Variants in WNT7B observed in about 807,000 individuals in gnomAD.
WNT7B encodes the protein Wnt family member 7B, also known as protein Wnt-7b.
In WNT7B, 19 loss-of-function variants were observed where a neutral mutation model predicts 38.2. The ratio of observed to expected loss-of-function variants is 0.50; its 90% confidence interval spans 0.35 to 0.73. The LOEUF (loss-of-function observed/expected upper bound fraction) is 0.73, where lower values mean the gene tolerates loss of function less well. WNT7B is among the 30% of genes least tolerant of loss of function. The probability of loss-of-function intolerance (pLI) is 0.01; values close to 1 mark genes in which losing one functional copy is unlikely to be tolerated. For synonymous variants in WNT7B, 243 were observed against 209.3 expected (o/e 1.16, Z -1.39); for missense variants, 423 against 507.9 (o/e 0.83, Z 1.61).
chr22:45,967,009 C>A (rs1601741875), intron 1 of WNT7B, among the ~76,000 whole-genome samples: 1 of 152,210 alleles, frequency 6.6e-6, no homozygotes, highest in Non-Finnish European at 1.5e-5. Context: ...AGGACCCACG[C>A]TCAGAGGACA....
intron 2 of WNT7B, among the ~76,000 whole-genome samples, chr22:45,949,387 G>C (rs1405014697): frequency 7.0e-6 from 1 of 143,406 alleles, no homozygotes; most frequent in Non-Finnish European, 1.5e-5. Context: ...TGTCATGCTG[G>C]AGCATCCTGC....
intron 1 of WNT7B, among the ~76,000 whole-genome samples, chr22:45,955,424 G>T (rs996500626): frequency 1.3e-5 from 2 of 152,220 alleles, no homozygotes; most frequent in Non-Finnish European, 1.5e-5. Flanking sequence ...GGGGCCACTG[G>T]GGAGCGTGGG....
intron 1 of WNT7B, among the ~76,000 whole-genome samples, chr22:45,962,283 C>T (rs1343890187): frequency 6.6e-6 from 1 of 152,182 alleles, no homozygotes; most frequent in African/African-American, 2.4e-5. Context: ...GCAGACACTC[C>T]CAGCCACCAT....
Position 45,922,426 on chromosome 22 carries a change from A to C in WNT7B, c.*430T>G. 5.6e-6 allele frequency: 1 copy of C among 178,176 alleles called. No homozygotes were observed. 11.0% of individuals were successfully genotyped at this position (178,176 alleles called of 1,614,324 possible). A position where few individuals can be genotyped will look rare whatever the true frequency, so the allele number is the denominator to read the frequency against. On this transcript the variant is annotated 3_prime_UTR_variant, in exon 4 of 4. Coordinates refer to ENST00000339464, the MANE Select transcript of WNT7B (RefSeq NM_058238.3). ...GCCCAGCGGCAGACCCAGCCTGGGA[A>C]CTGGTCTGGAGAGGCCAGCCGGCGT...
At chr22:45,929,454 A>T (rs1165561475) in intron 3 of WNT7B, among the ~76,000 whole-genome samples, 1 of 147,646 alleles carries the variant, frequency 6.8e-6, no homozygotes, top group African/African-American at 2.6e-5. Flanking sequence ...CCATCCTTTG[A>T]TTCGTCCATC....
At chr22:45,925,260 C>T (rs888186221) in intron 3 of WNT7B, 3 of 985,114 alleles carry the variant, frequency 3.0e-6, no homozygotes, top group African/African-American at 3.5e-5. Context: ...CCTAGGCTGG[C>T]AGGTGGGTGC....
chr22:45,950,199 C>G, intron 1 of WNT7B, 53 bp from the exon 2 acceptor site: 1 of 1,493,288 alleles, frequency 6.7e-7, no homozygotes, highest in Non-Finnish European at 9.2e-7. Flanking sequence ...AGCGCCCCTC[C>G]TCACCCCCAA....
At chr22:45,928,036 G>A (rs1931148235) in intron 3 of WNT7B, among the ~76,000 whole-genome samples, 1 of 152,192 alleles carries the variant, frequency 6.6e-6, no homozygotes, top group Non-Finnish European at 1.5e-5. Context: ...CTCCTCCCCT[G>A]CTGCCTAGAG....
chr22:45,977,146 G>T lies in WNT7B; in HGVS notation c.-392C>A. 8.5e-6 allele frequency: 4 copies of T among 470,544 alleles called. No individual in the cohort carries two copies. The highest frequency in any genetic ancestry group is 6.4e-5 in the Admixed American group (1 of 15,628). The allele number at this position is 470,544 out of a possible 1,614,324, so 29.1% of individuals were successfully genotyped here. On this transcript the variant is annotated 5_prime_UTR_variant, in exon 1 of 4. Transcript: ENST00000339464. Reference sequence around the variant, plus strand: ...GCGGCCAATGTGTCCGCACTTGTCGGCCGCCCCAGGTGACTCGCGGCCCCG... The same window carrying T: ...GCGGCCAATGTGTCCGCACTTGTCGTCCGCCCCAGGTGACTCGCGGCCCCG...
rs1930891914 is a variant in WNT7B, at chr22:45,920,536, C to T, written c.*2320G>A. ...TGGCAGACTTTGGGGTGGGCAGGGG[C>T]TCAGTGGGGTGCCCGGCAGCCAAGG... On this transcript the variant is annotated 3_prime_UTR_variant, in exon 4 of 4. Transcript: ENST00000339464. 2 of 151,200 alleles carry T rather than the reference C, an allele frequency of 1.3e-5. No homozygotes were observed. The highest frequency in any genetic ancestry group is 1.3e-4 in the Admixed American group (2 of 15,196). 9.4% of individuals were successfully genotyped at this position (151,200 alleles called of 1,614,324 possible).
intron 2 of WNT7B, among the ~76,000 whole-genome samples, chr22:45,947,172 G>C (rs1022680085): frequency 2.0e-5 from 3 of 152,222 alleles, no homozygotes; most frequent in African/African-American, 7.2e-5. Flanking sequence ...AGTCAGATAC[G>C]CCCGAAGCTC....
At chr22:45,929,368 TCACCCATCCACC>T (rs1045159105) in intron 3 of WNT7B, among the ~76,000 whole-genome samples, 3 of 151,188 alleles carry the variant, frequency 2.0e-5, no homozygotes, top group African/African-American at 7.3e-5. Context: ...ATCCATCTAT[TCACCCATCCACC>T]CACTCACCCA....
intron 2 of WNT7B, among the ~76,000 whole-genome samples, chr22:45,939,632 A>ACACACACACAC (rs1931593545): frequency 1.0e-4 from 15 of 144,882 alleles, no homozygotes; most frequent in African/African-American, 3.8e-4. Flanking sequence ...TGTCTCTACA[A>ACACACACACAC]ACACACACAC....
chr22:45,967,852 G>A (rs949558926), intron 1 of WNT7B, among the ~76,000 whole-genome samples: 5 of 152,142 alleles, frequency 3.3e-5, no homozygotes, highest in African/African-American at 7.2e-5. Flanking sequence ...TCATCACCTC[G>A]CCCCCCATCA....
rs1930897679 is a variant in WNT7B at position 45,920,676 on chromosome 22, G to A, written c.*2180C>T. The A allele has an allele frequency of 2.4e-5, 3 of 126,786 alleles. No homozygotes were observed. Among genetic ancestry groups the A allele is most frequent in the African/African-American group, 1.2e-4 (3 of 24,782 alleles). The allele number at this position is 126,786 out of a possible 1,614,324, so 7.9% of individuals were successfully genotyped here. A position where few individuals can be genotyped will look rare whatever the true frequency, so the allele number is the denominator to read the frequency against. ...GGGTGGGTATGGGGAATAGGGATGAGGGATGGGATGGGGGATGGGGTCAGG... is the reference window on the plus strand; with the variant it reads ...GGGTGGGTATGGGGAATAGGGATGAAGGATGGGATGGGGGATGGGGTCAGG... On this transcript the variant is annotated 3_prime_UTR_variant, in exon 4 of 4. Transcript: ENST00000339464.
chr22:45,943,367 T>C (rs1931715086), intron 2 of WNT7B, among the ~76,000 whole-genome samples: 1 of 152,246 alleles, frequency 6.6e-6, no homozygotes, highest in African/African-American at 2.4e-5. Flanking sequence ...GAGGCCTTTG[T>C]TCCGACCCAG....
At chr22:45,946,445 C>T (rs1169400616) in intron 2 of WNT7B, among the ~76,000 whole-genome samples, 8 of 152,194 alleles carry the variant, frequency 5.3e-5, no homozygotes, top group East Asian at 1.9e-4. Flanking sequence ...TCCTGGGATA[C>T]GAGGTTCTCC....
intron 2 of WNT7B, among the ~76,000 whole-genome samples, chr22:45,948,057 G>A (rs999706035): frequency 5.3e-5 from 8 of 152,186 alleles, no homozygotes; most frequent in Admixed American, 3.3e-4. Flanking sequence ...CGATTTCCAC[G>A]TCTGCCCCTC....
At chr22:45,949,851 C>T in intron 2 of WNT7B, 69 bp downstream of exon 2, 1 of 1,485,992 alleles carries the variant, frequency 6.7e-7, no homozygotes, top group East Asian at 2.4e-5. Context: ...GGCTGGCCTT[C>T]AGTGGGTGGC....
Sources: allele counts gnomAD v4.1 joint callset (sites outside exome capture counted in the v4.1 genomes callset), GRCh38; gene constraint gnomAD v4.1.1; transcripts MANE v1.5; gene names NCBI Gene and HGNC (gene_info 2026-07-23, HGNC 2026-07-21).